ZNF385D: variants seen among roughly 807,000 people sequenced by gnomAD.
ZNF385D encodes zinc finger protein 659.
Under a neutral mutation model 35.8 loss-of-function variants are expected in ZNF385D, and 15 were observed. The observed-to-expected ratio is 0.42, with a 90% confidence interval of 0.28 to 0.64. ZNF385D has a LOEUF of 0.64. Ranked by LOEUF, ZNF385D falls within the 30% of genes least tolerant of loss-of-function variation. The probability of loss-of-function intolerance (pLI) is 0.23; values close to 1 mark genes in which losing one functional copy is unlikely to be tolerated. For missense variants in ZNF385D, 474 were observed against 494.6 expected, an observed-to-expected ratio of 0.96 and a Z score of 0.39; for synonymous variants, 212 against 186.8, an observed-to-expected ratio of 1.13 and a Z score of -1.10.
intron 2 of ZNF385D, among the ~76,000 whole-genome samples, chr3:22,202,945 C>A (rs1348181621): frequency 6.6e-6 from 1 of 152,076 alleles, no homozygotes; most frequent in Non-Finnish European, 1.5e-5. Flanking sequence ...TCTAAATAAT[C>A]TTGAAATGCA....
At chr3:22,111,230 TC>T (rs1341184245) in intron 3 of ZNF385D, among the ~76,000 whole-genome samples, 1 of 138,958 alleles carries the variant, frequency 7.2e-6, no homozygotes, top group Admixed American at 7.7e-5. Context: ...TTGGAAAGCA[TC>T]TATAAACTGC....
intron 3 of ZNF385D, among the ~76,000 whole-genome samples, chr3:21,945,052 T>A (rs1161442450): frequency 1.3e-5 from 2 of 152,046 alleles, no homozygotes; most frequent in African/African-American, 2.4e-5. Flanking sequence ...TACATCATAA[T>A]ATTTGTCAAA....
At chr3:21,751,829 C>G (rs1012624197), upstream of ZNF385D, among the ~76,000 whole-genome samples, 2 of 152,056 alleles carry the variant, frequency 1.3e-5, no homozygotes, top group African/African-American at 4.8e-5. Context: ...AAAGTCACCT[C>G]TCAGTTGCCC....
intron 1 of ZNF385D, among the ~76,000 whole-genome samples, chr3:21,691,816 A>G (rs1157637912): frequency 6.6e-6 from 1 of 152,160 alleles, no homozygotes; most frequent in African/African-American, 2.4e-5. Context: ...AGCCATCACC[A>G]CTATGCAAAT....
At chr3:21,846,088 G>A (rs892202852) in intron 3 of ZNF385D, among the ~76,000 whole-genome samples, 2 of 152,038 alleles carry the variant, frequency 1.3e-5, no homozygotes, top group South Asian at 4.1e-4. Flanking sequence ...TGTGTCCATC[G>A]GGGTCACAGG....
At chr3:22,263,412 T>C (rs1003968791) in intron 2 of ZNF385D, among the ~76,000 whole-genome samples, 1 of 152,072 alleles carries the variant, frequency 6.6e-6, no homozygotes, top group Admixed American at 6.6e-5. Flanking sequence ...TTTATGTCTT[T>C]GCTCAAAAGT....
Position 22,174,155 on chromosome 3 carries a change from G to C in ZNF385D, c.107-5120C>G, listed in dbSNP as rs114064262. Among the ~76,000 whole-genome samples, 1,092 of 152,158 alleles carry C rather than the reference G, an allele frequency of 7.2e-3. 15 individuals are homozygous for C. The highest frequency in any genetic ancestry group is 0.025 in the African/African-American group (1,035 of 41,528). ...ACTCCCACAATCATTAATATAAAAT[G>C]AAAGTATGTAAAATAGTGTATTTTA... On this transcript the variant is annotated intron_variant, in intron 2 of 5. Coordinates refer to the ZNF385D transcript ENST00000494108.
intron 2 of ZNF385D, among the ~76,000 whole-genome samples, chr3:22,322,323 A>G (rs1047148828): frequency 2.0e-5 from 3 of 152,116 alleles, no homozygotes; most frequent in African/African-American, 7.2e-5. Flanking sequence ...CCTCAAATAT[A>G]TTTTTTTGTC....
intron 3 of ZNF385D, among the ~76,000 whole-genome samples, chr3:21,819,715 T>C (rs984325075): frequency 1.4e-5 from 2 of 146,470 alleles, no homozygotes; most frequent in African/African-American, 4.9e-5. Flanking sequence ...TACACGTATA[T>C]ATATACACAT....
At chr3:22,291,689 T>G (rs1256011830) in intron 2 of ZNF385D, among the ~76,000 whole-genome samples, 2 of 152,086 alleles carry the variant, frequency 1.3e-5, no homozygotes, top group Non-Finnish European at 2.9e-5. Context: ...GTGGGGTTTA[T>G]GATCTTGTGT....
chr3:21,563,541 C>A (rs1394583657), intron 3 of ZNF385D, among the ~76,000 whole-genome samples: 4 of 152,208 alleles, frequency 2.6e-5, no homozygotes, highest in Non-Finnish European at 5.9e-5. Flanking sequence ...TTTGTTTATG[C>A]CTCATCTATT....
chr3:21,793,853 G>A (rs1010207228), intron 3 of ZNF385D, among the ~76,000 whole-genome samples: 2 of 152,158 alleles, frequency 1.3e-5, no homozygotes, highest in African/African-American at 4.8e-5. Context: ...TGAGTTTAGG[G>A]AACCATTCTC....
intron 1 of ZNF385D, among the ~76,000 whole-genome samples, chr3:21,667,109 G>A (rs987105499): frequency 2.6e-5 from 4 of 152,074 alleles, no homozygotes; most frequent in African/African-American, 9.7e-5. Context: ...AGTAAGATTT[G>A]GTCGAAATCA....
chr3:22,077,572 T>C (rs1700527949), intron 3 of ZNF385D, among the ~76,000 whole-genome samples: 1 of 151,990 alleles, frequency 6.6e-6, no homozygotes, highest in African/African-American at 2.4e-5. Flanking sequence ...TGTATCTAAA[T>C]GCAAAGCAGA....
intron 2 of ZNF385D, among the ~76,000 whole-genome samples, chr3:22,314,502 GTTTA>G (rs202123335): frequency 0.012 from 1,836 of 152,112 alleles, 38 homozygotes; most frequent in African/African-American, 0.043. Flanking sequence ...TTATGCCACA[GTTTA>G]TTTGTCTATT....
chr3:22,007,808 AT>A (rs145586771), intron 3 of ZNF385D, among the ~76,000 whole-genome samples: 18,011 of 148,124 alleles, frequency 0.12, 1,240 homozygotes, highest in South Asian at 0.27. Flanking sequence ...TATATATATT[AT>A]TTTTTCCTAG....
intron 1 of ZNF385D, among the ~76,000 whole-genome samples, chr3:21,700,247 T>G (rs942310777): frequency 2.6e-5 from 4 of 152,072 alleles, no homozygotes; most frequent in Non-Finnish European, 5.9e-5. Context: ...AAGGTGATAC[T>G]GGTATAGGGA....
chr3:22,251,949 A>C (rs1422346240), intron 2 of ZNF385D, among the ~76,000 whole-genome samples: 2 of 152,108 alleles, frequency 1.3e-5, no homozygotes, highest in African/African-American at 4.8e-5. Context: ...GACTAAATGG[A>C]TAATGCTTGC....
At position 22,066,461 on chromosome 3, in the gene ZNF385D, C is replaced by CGTGTGTGTGTGTGTGTGTGTGT. The variant is rs10627614; in HGVS notation, c.325+102334_325+102355dup. ...AAAGATACTGGGTGAGATGGTTCCC[C>CGTGTGTGTGTGTGTGTGTGTGT]GTGTGTGTGTGTGTGTGTGTGTGTG... On this transcript the variant is annotated intron_variant, in intron 3 of 5. Transcript: ENST00000494108. Among the ~76,000 whole-genome samples the CGTGTGTGTGTGTGTGTGTGTGT allele has an allele frequency of 5.8e-4, 57 of 98,186 alleles. 1 individual carries two copies. The highest frequency in any genetic ancestry group is 1.1e-3 in the Non-Finnish European group (54 of 50,370). 64.4% of individuals were successfully genotyped at this position (98,186 alleles called of 152,430 possible). A position where few individuals can be genotyped will look rare whatever the true frequency, so the allele number is the denominator to read the frequency against.
Sources: gnomAD v4.1 joint callset for allele counts (sites outside exome capture counted in the v4.1 genomes callset) on GRCh38, gnomAD v4.1.1 for gene constraint, MANE v1.5 for transcripts, NCBI Gene and HGNC (gene_info 2026-07-23, HGNC 2026-07-21) for gene names.